The following RGPD3 variants were observed in gnomAD, a reference collection of about 807,000 sequenced individuals.
RGPD3 encodes the protein ranBP2-like and GRIP domain-containing protein 3.
RGPD3 carries 62 observed loss-of-function variants against 154.5 expected under a neutral mutation model. That is an observed-to-expected ratio of 0.40 (90% CI 0.33 to 0.50). The LOEUF (loss-of-function observed/expected upper bound fraction) is 0.50. RGPD3 is among the 20% of genes least tolerant of loss of function. The pLI, the probability that RGPD3 is intolerant of heterozygous loss-of-function variation, is 0.59. For synonymous variants in RGPD3, 308 were observed against 607.0 expected (o/e 0.51, Z 7.24); for missense variants, 919 against 1,716.8 (o/e 0.54, Z 8.21).
rs1273767489 is a variant in RGPD3 at position 106,466,377 on chromosome 2, C to G, written c.72+1840G>C. Among the ~76,000 whole-genome samples the G allele has an allele frequency of 7.2e-3, 931 of 128,722 alleles. 26 individuals are homozygous for G. The highest frequency in any genetic ancestry group is 0.025 in the African/African-American group (828 of 32,650). 84.4% of individuals were successfully genotyped at this position (128,722 alleles called of 152,430 possible). A position where few individuals can be genotyped will look rare whatever the true frequency, so the allele number is the denominator to read the frequency against. ...ATCGAGGCCGCCGCCGGGCCGGGTC[C>G]AGGCCACCGCCTCAACAGAGCGCGC... On this transcript the variant is annotated intron_variant, in intron 1 of 22. Transcript: ENST00000409886.
chr2:106,442,307 T>C (rs1489965488), intron 7 of RGPD3, among the ~76,000 whole-genome samples: 1 of 100,918 alleles, frequency 9.9e-6, no homozygotes, highest in Admixed American at 1.2e-4. Flanking sequence ...CTACCCTGCA[T>C]AAATAGGACA....
chr2:106,470,076 T>G (rs1558867959), upstream of RGPD3, among the ~76,000 whole-genome samples: 2 of 152,202 alleles, frequency 1.3e-5, no homozygotes, highest in Non-Finnish European at 2.9e-5. Flanking sequence ...CATAGTACTC[T>G]CTTCTCAATA....
At position 106,416,081 on chromosome 2, in the gene RGPD3, T is replaced by C. The variant is rs549900950; in HGVS notation, c.4925-92A>G. ...AAAAATCTAAATATAAATATCTTAC[T>C]ATGTGATATTTTATAGCTCTGCTTT... On this transcript the variant is annotated intron_variant, in intron 20 of 22. Coordinates refer to ENST00000409886, the MANE Select transcript of RGPD3 (RefSeq NM_001144013.2). 7.3e-5 allele frequency: 112 copies of C among 1,539,324 alleles called. No homozygotes were observed. The South Asian group carries it at 1.2e-3, about 17-fold the overall frequency.
intron 6 of RGPD3, among the ~76,000 whole-genome samples, chr2:106,448,886 T>C (rs1004080381): frequency 6.6e-6 from 1 of 150,696 alleles, no homozygotes; most frequent in South Asian, 2.1e-4. Context: ...GAGACAAGGT[T>C]TCACCATTGT....
intron 6 of RGPD3, among the ~76,000 whole-genome samples, chr2:106,449,497 A>G (rs1013529979): frequency 6.8e-6 from 1 of 147,934 alleles, no homozygotes; most frequent in African/African-American, 2.5e-5. Flanking sequence ...AGCTATAATT[A>G]TTAACACACA....
At chr2:106,441,147 C>T in intron 8 of RGPD3, 146 bp downstream of exon 8, 1 of 760,264 alleles carries the variant, frequency 1.3e-6, no homozygotes, top group Non-Finnish European at 2.1e-6. Context: ...CGCATCTCTT[C>T]CATACCTATT....
At chr2:106,421,466 T>G (rs73952229) in intron 20 of RGPD3, among the ~76,000 whole-genome samples, 34,702 of 148,370 alleles carry the variant, frequency 0.23, 4,360 homozygotes, top group East Asian at 0.6. Flanking sequence ...ATCAGAGATT[T>G]TTACTTTATC....
chr2:106,463,136 A>G (rs531022166), intron 1 of RGPD3, among the ~76,000 whole-genome samples: 152 of 151,796 alleles, frequency 1.0e-3, no homozygotes, highest in African/African-American at 3.6e-3. Flanking sequence ...ATCTCATCAG[A>G]CTCCTAACAA....
chr2:106,409,848 C>G (rs941542972), intron 22 of RGPD3, among the ~76,000 whole-genome samples: 2 of 108,360 alleles, frequency 1.8e-5, no homozygotes, highest in Non-Finnish European at 4.0e-5. Flanking sequence ...TGTGTAATTT[C>G]TTTTGAACTA....
intron 7 of RGPD3, among the ~76,000 whole-genome samples, chr2:106,446,411 CA>C (rs1297829760): frequency 7.5e-3 from 1,125 of 150,312 alleles, no homozygotes; most frequent in African/African-American, 0.026. Context: ...ACTAAAAGTA[CA>C]AAAAAAAATT....
At position 106,423,699 on chromosome 2, in the gene RGPD3, G is replaced by T; in HGVS notation, c.4268C>A (p.Thr1423Lys). 2 of 1,610,108 alleles carry T rather than the reference G, an allele frequency of 1.2e-6. No individual in the cohort carries two copies. The highest frequency in any genetic ancestry group is 2.2e-5 in the South Asian group (2 of 90,860). Residue 1423 changes from threonine to lysine, a missense_variant, in exon 20 of 23, where the codon ACA (threonine) becomes AAA (lysine). Coordinates refer to ENST00000409886, the MANE Select transcript of RGPD3 (RefSeq NM_001144013.2). The stretch of plus-strand genomic sequence containing the variant: ...TGCAGTCCACACCCATACTCTTTCT[G>T]TCCCTTTCATATTTTGCAAACTCAT... ...PDMSLQNMKG[T>K]ERVWVWTACD... is the part of the protein sequence containing the mutation.
intron 9 of RGPD3, among the ~76,000 whole-genome samples, chr2:106,438,265 A>C (rs1677635678): frequency 6.6e-6 from 1 of 151,990 alleles, no homozygotes; most frequent in South Asian, 2.1e-4. Flanking sequence ...CAGGAGGATC[A>C]CTTGAGCCTA....
chr2:106,415,712 C>T (rs1159444724), intron 21 of RGPD3, 138 bp downstream of exon 21: 4 of 774,568 alleles, frequency 5.2e-6, no homozygotes, highest in Non-Finnish European at 8.0e-6. Flanking sequence ...ATATTTCTCA[C>T]CATCAGGAAT....
At chr2:106,411,555 G>A (rs1327240867) in intron 22 of RGPD3, among the ~76,000 whole-genome samples, 5 of 151,108 alleles carry the variant, frequency 3.3e-5, no homozygotes, top group Admixed American at 2.0e-4. Context: ...ATGGCCGGGC[G>A]TGGTGGCTCA....
At chr2:106,422,902 GAA>G in intron 20 of RGPD3, 139 bp downstream of exon 20, 1 of 1,565,224 alleles carries the variant, frequency 6.4e-7, no homozygotes, top group Non-Finnish European at 8.6e-7. Flanking sequence ...TATTAAGGGA[GAA>G]AAAAATTGCT....
chr2:106,461,702 G>A (rs1436320247), intron 1 of RGPD3, among the ~76,000 whole-genome samples: 1 of 150,878 alleles, frequency 6.6e-6, no homozygotes, highest in East Asian at 2.0e-4. Flanking sequence ...GCATCTAAAT[G>A]AAAAAAATGC....
chr2:106,461,360 A>C (rs890259448), intron 1 of RGPD3, among the ~76,000 whole-genome samples: 2 of 150,830 alleles, frequency 1.3e-5, no homozygotes, highest in African/African-American at 4.9e-5. Flanking sequence ...GCACTGCAAT[A>C]CTCCAACAAT....
Position 106,434,318 on chromosome 2 carries a change from T to C in RGPD3, c.2115A>G (p.Gln705=). 6.2e-7 allele frequency: 1 copy of C among 1,610,126 alleles called. No homozygotes were observed. The highest frequency in any genetic ancestry group is 8.5e-7 in the Non-Finnish European group (1 of 1,179,090). Residue 705 remains glutamine (Q), a synonymous_variant, in exon 15 of 23, where the codon CAA becomes CAG. Transcript: ENST00000409886. ...TTCTCAGATAATTTTTGCATTCTTC[T>C]TGTTCTTCAGGAGAAAGGGCATCAT... is the stretch of plus-strand genomic sequence containing the variant. The part of the protein sequence containing the change: ...IANDALSPEE[Q]EECKNYLRKT...
At chr2:106,463,438 G>A (rs1678466087) in intron 1 of RGPD3, among the ~76,000 whole-genome samples, 1 of 151,464 alleles carries the variant, frequency 6.6e-6, no homozygotes, top group African/African-American at 2.4e-5. Context: ...CCATGCCACT[G>A]CACTCCAGCC....
Sources: allele counts gnomAD v4.1 joint callset (sites outside exome capture counted in the v4.1 genomes callset), GRCh38; gene constraint gnomAD v4.1.1; transcripts MANE v1.5; gene names NCBI Gene and HGNC (gene_info 2026-07-23, HGNC 2026-07-21).